The following CDKAL1 variants were observed in gnomAD, a reference collection of about 807,000 sequenced individuals.
The protein encoded by CDKAL1 is threonylcarbamoyladenosine tRNA methylthiotransferase.
Under a neutral mutation model 68.2 loss-of-function variants are expected in CDKAL1, and 32 were observed. The observed-to-expected ratio is 0.47, with a 90% CI of 0.35 to 0.63. The LOEUF (loss-of-function observed/expected upper bound fraction) is 0.63. Among genes scored for constraint, CDKAL1 ranks in the 30% least tolerant of loss-of-function variants. CDKAL1 has a pLI of 0.00. For missense variants in CDKAL1, 606 were observed against 696.7 expected, an observed-to-expected ratio of 0.87 and a Z score of 1.47; for synonymous variants, 234 against 244.3, an observed-to-expected ratio of 0.96 and a Z score of 0.39.
intron 9 of CDKAL1, among the ~76,000 whole-genome samples, chr6:20,927,988 A>G (rs998710260): frequency 1.3e-5 from 2 of 152,158 alleles, no homozygotes; most frequent in African/African-American, 2.4e-5. Context: ...TTCTAAGCAA[A>G]CAGCTTGCAT....
chr6:20,784,412 CT>C (rs1175015329), intron 8 of CDKAL1, among the ~76,000 whole-genome samples: 3 of 33,492 alleles, frequency 9.0e-5, no homozygotes, highest in African/African-American at 2.3e-4. Flanking sequence ...TATTTTATTT[CT>C]TTTTTTTTTT....
chr6:20,950,969 G>GAAAAA (rs5874796), intron 9 of CDKAL1, among the ~76,000 whole-genome samples: 1 of 139,544 alleles, frequency 7.2e-6, no homozygotes, highest in African/African-American at 2.7e-5. Context: ...AACAGTCTCA[G>GAAAAA]AAAAAAAAAA....
At chr6:21,062,718 C>G (rs1222831924) in intron 11 of CDKAL1, among the ~76,000 whole-genome samples, 1 of 152,138 alleles carries the variant, frequency 6.6e-6, no homozygotes, top group Non-Finnish European at 1.5e-5. Flanking sequence ...ATTTGTCATG[C>G]TTCTTTCACA....
At chr6:20,861,662 G>A (rs1322055623) in intron 9 of CDKAL1, among the ~76,000 whole-genome samples, 2 of 152,206 alleles carry the variant, frequency 1.3e-5, no homozygotes, top group African/African-American at 4.8e-5. Context: ...CAGCTGGCTT[G>A]CACATGTGTC....
In CDKAL1 at chr6:21,046,477, G is replaced by T. The variant is rs528084820; in HGVS notation, c.1056-18571G>T. ...AAAGGACTTTGGTCACTCACAGTCA[G>T]GAAGAGTCTAGGAGTGCTTTGCAGG... On this transcript the variant is annotated intron_variant, in intron 11 of 15. Coordinates refer to ENST00000274695, the MANE Select transcript of CDKAL1 (RefSeq NM_017774.3). Among the ~76,000 whole-genome samples the T allele has an allele frequency of 3.3e-5, 5 of 152,354 alleles. 1 individual carries two copies. In the South Asian group the frequency reaches 1.0e-3, roughly 32 times the overall value.
intron 13 of CDKAL1, among the ~76,000 whole-genome samples, chr6:21,154,801 A>ATCT (rs1466298689): frequency 2.0e-5 from 3 of 152,296 alleles, no homozygotes; most frequent in African/African-American, 7.2e-5. Flanking sequence ...CATCCTGGCC[A>ATCT]ACATGATGAA....
At chr6:20,631,730 C>T (rs1305024811) in intron 4 of CDKAL1, among the ~76,000 whole-genome samples, 1 of 152,146 alleles carries the variant, frequency 6.6e-6, no homozygotes, top group Non-Finnish European at 1.5e-5. Flanking sequence ...TTCTCTGAGT[C>T]AGCCCTTCCG....
At chr6:21,032,407 C>G (rs1769343534) in intron 11 of CDKAL1, among the ~76,000 whole-genome samples, 1 of 152,174 alleles carries the variant, frequency 6.6e-6, no homozygotes, top group East Asian at 1.9e-4. Context: ...CAGAAATGTT[C>G]AAAACAGCGG....
At chr6:20,756,839 T>TTCCTTCCTTC (rs1774198628) in intron 6 of CDKAL1, 12 of 68,792 alleles carry the variant, frequency 1.7e-4, no homozygotes, top group Admixed American at 4.6e-4. Context: ...TTCCTTCCTT[T>TTCCTTCCTTC]CTTCCTTCCT....
intron 12 of CDKAL1, among the ~76,000 whole-genome samples, chr6:21,085,375 G>A (rs947967485): frequency 1.3e-5 from 2 of 152,136 alleles, no homozygotes; most frequent in Admixed American, 1.3e-4. Flanking sequence ...TACATCTCAA[G>A]ATGACTCCTG....
intron 9 of CDKAL1, among the ~76,000 whole-genome samples, chr6:20,854,618 C>T (rs1759220834): frequency 6.6e-6 from 1 of 152,138 alleles, no homozygotes; most frequent in Non-Finnish European, 1.5e-5. Context: ...AGGATGTGAT[C>T]CCAAGTTTGT....
intron 5 of CDKAL1, among the ~76,000 whole-genome samples, chr6:20,706,881 T>A (rs2127824760): frequency 6.6e-6 from 1 of 151,640 alleles, no homozygotes; most frequent in Middle Eastern, 3.4e-3. Context: ...ATTACCCCAG[T>A]GTACCACCTG....
At chr6:20,980,190 TAGATAG>T (rs938455869) in intron 10 of CDKAL1, among the ~76,000 whole-genome samples, 1 of 121,804 alleles carries the variant, frequency 8.2e-6, no homozygotes, top group South Asian at 2.5e-4. Flanking sequence ...CCTCCAAAGA[TAGATAG>T]ATATAGATAT....
rs547584591 is a variant in CDKAL1 at position 20,590,330 on chromosome 6, TA to T, written c.286+41627del. Among the ~76,000 whole-genome samples, 378 of 152,250 alleles carry T rather than the reference TA, an allele frequency of 2.5e-3. 1 individual carries two copies. Among genetic ancestry groups the T allele is most frequent in the African/African-American group, 8.7e-3 (363 of 41,568 alleles). On this transcript the variant is annotated intron_variant, in intron 4 of 15. Transcript: ENST00000274695. ...TACTATGCACAGAGTAAGGGCACCA[TA>T]ATTTTATTTTTTTGTTTTTATTTTT...
At chr6:20,914,204 G>A (rs578174123) in intron 9 of CDKAL1, among the ~76,000 whole-genome samples, 1 of 151,962 alleles carries the variant, frequency 6.6e-6, no homozygotes, top group Admixed American at 6.5e-5. Flanking sequence ...GCAGGAGTGT[G>A]GCATGAACCT....
At chr6:20,876,410 G>A (rs1170830723) in intron 9 of CDKAL1, among the ~76,000 whole-genome samples, 1 of 152,214 alleles carries the variant, frequency 6.6e-6, no homozygotes, top group Non-Finnish European at 1.5e-5. Flanking sequence ...ACTGTTGAGT[G>A]TGGAGTCAGC....
intron 12 of CDKAL1, among the ~76,000 whole-genome samples, chr6:21,088,435 A>T (rs553682220): frequency 6.6e-6 from 1 of 152,340 alleles, no homozygotes; most frequent in Non-Finnish European, 1.5e-5. Context: ...GGTTTTCTGG[A>T]AGTGGAGGTT....
At chr6:20,588,606 T>G (rs1000268973) in intron 4 of CDKAL1, among the ~76,000 whole-genome samples, 5 of 152,232 alleles carry the variant, frequency 3.3e-5, no homozygotes, top group Non-Finnish European at 5.9e-5. Context: ...TCGGTAGCTC[T>G]AAGGTGGATT....
intron 13 of CDKAL1, among the ~76,000 whole-genome samples, chr6:21,180,147 G>A (rs1052625718): frequency 6.6e-6 from 1 of 152,216 alleles, no homozygotes; most frequent in African/African-American, 2.4e-5. Context: ...ACCCTGTAGG[G>A]TGTTTGGTGA....
Sources: gnomAD v4.1 joint callset for allele counts (sites outside exome capture counted in the v4.1 genomes callset) on GRCh38, gnomAD v4.1.1 for gene constraint, MANE v1.5 for transcripts, NCBI Gene and HGNC (gene_info 2026-07-23, HGNC 2026-07-21) for gene names.